The following SOX5 variants were observed in gnomAD, a reference collection of about 807,000 sequenced individuals.
SOX5 encodes the protein SRY-box transcription factor 5.
Under a neutral mutation model 92.0 loss-of-function variants are expected in SOX5, and 9 were observed. The observed-to-expected ratio is 0.10, with a 90% CI of 0.06 to 0.17. The LOEUF is 0.17. SOX5 is among the 10% of genes least tolerant of loss of function. The pLI, the probability that SOX5 is intolerant of heterozygous loss-of-function variation, is 1.00. For missense variants in SOX5, 642 were observed against 944.5 expected, an observed-to-expected ratio of 0.68 and a Z score of 4.20; for synonymous variants, 344 against 336.3, an observed-to-expected ratio of 1.02 and a Z score of -0.25.
intron 8 of SOX5, among the ~76,000 whole-genome samples, chr12:23,634,077 G>A (rs1487961159): frequency 6.6e-6 from 1 of 152,066 alleles, no homozygotes; most frequent in Non-Finnish European, 1.5e-5. Flanking sequence ...ATTTAACGCA[G>A]AAATCAATAT....
At position 23,534,471 on chromosome 12, in the gene SOX5, G is replaced by A. The variant is rs551674316; in HGVS notation, c.2040C>T (p.Ala680=). ...GGGAGGGCATCCCAGCCATGGCGAT[G>A]GCTCCAGGGTACACAACACCAGCAG... is the stretch of plus-strand genomic sequence containing the variant. ...IATAGVVYPG[A]IAMAGMPSPH... Residue 680 remains alanine (A), a synonymous_variant, in exon 15 of 15, where the codon GCC becomes GCT. Transcript: ENST00000451604. 1 of 1,613,978 alleles carries A rather than the reference G, an allele frequency of 6.2e-7. No homozygotes were observed. Among genetic ancestry groups the A allele is most frequent in the South Asian group, 1.1e-5 (1 of 91,080 alleles).
At chr12:23,640,096 A>G (rs1162104861) in intron 8 of SOX5, among the ~76,000 whole-genome samples, 1 of 152,176 alleles carries the variant, frequency 6.6e-6, no homozygotes, top group Non-Finnish European at 1.5e-5. Flanking sequence ...GATAGAAACT[A>G]AGGAATGTTT....
chr12:23,954,205 T>G (rs375378894), upstream of SOX5, among the ~76,000 whole-genome samples: 1 of 151,990 alleles, frequency 6.6e-6, no homozygotes, highest in African/African-American at 2.4e-5. Context: ...AAATTACACT[T>G]CCATATTTGA....
chr12:24,012,071 T>G (rs1191809225), intron 4 of SOX5, among the ~76,000 whole-genome samples: 1 of 152,264 alleles, frequency 6.6e-6, no homozygotes, highest in Middle Eastern at 3.4e-3. Context: ...TTTTTGTAAT[T>G]GCATACTAAT....
chr12:23,789,576 G>A lies in SOX5; in HGVS notation c.482-33852C>T, dbSNP rs1190581371. ...GAAAATATTAACCTAGATCTTGAAA[G>A]GCTAATTTCTTATTGTATTAATATA... On this transcript the variant is annotated intron_variant, in intron 3 of 14. Coordinates refer to ENST00000451604, the MANE Select transcript of SOX5 (RefSeq NM_006940.6). Among the ~76,000 whole-genome samples, 5 of 152,178 alleles carry A rather than the reference G, an allele frequency of 3.3e-5. No homozygotes were observed. In the East Asian group the frequency reaches 9.6e-4, roughly 29 times the overall value.
chr12:24,016,817 G>A (rs1371724121), intron 4 of SOX5, among the ~76,000 whole-genome samples: 2 of 152,134 alleles, frequency 1.3e-5, no homozygotes, highest in Non-Finnish European at 2.9e-5. Flanking sequence ...GTGACACCGT[G>A]CTGAAAACCA....
chr12:23,669,040 C>T (rs2084325131), intron 6 of SOX5, among the ~76,000 whole-genome samples: 1 of 39,742 alleles, frequency 2.5e-5, no homozygotes, highest in Non-Finnish European at 4.7e-5. Flanking sequence ...AATTTCATTA[C>T]ATGTCCCTAT....
chr12:24,187,960 C>A (rs1956177908), intron 4 of SOX5, among the ~76,000 whole-genome samples: 1 of 152,108 alleles, frequency 6.6e-6, no homozygotes, highest in South Asian at 2.1e-4. Context: ...TTTACTACAG[C>A]AAAAGGGATA....
At chr12:23,673,358 C>T (rs2085111167) in intron 6 of SOX5, among the ~76,000 whole-genome samples, 1 of 152,000 alleles carries the variant, frequency 6.6e-6, no homozygotes, top group Non-Finnish European at 1.5e-5. Context: ...ATTTGTATTA[C>T]TTATTGTAGT....
intron 4 of SOX5, among the ~76,000 whole-genome samples, chr12:23,991,749 GT>G (rs34581177): frequency 0.35 from 49,871 of 144,200 alleles, 8,571 homozygotes; most frequent in Middle Eastern, 0.42. Flanking sequence ...AATACAGGAG[GT>G]TTTTTTTTTT....
chr12:23,621,244 C>G (rs1380409291), intron 8 of SOX5, among the ~76,000 whole-genome samples: 1 of 151,824 alleles, frequency 6.6e-6, no homozygotes, highest in Non-Finnish European at 1.5e-5. Context: ...TTAGGATATG[C>G]AAATTCACAG....
At chr12:23,951,273 T>TAA (rs144627221), upstream of SOX5, among the ~76,000 whole-genome samples, 7 of 149,390 alleles carry the variant, frequency 4.7e-5, no homozygotes, top group South Asian at 8.5e-4. Flanking sequence ...TGAACTCACT[T>TAA]AAAAAAAAAA....
At chr12:24,397,111 C>T (rs141560177) in intron 1 of SOX5, among the ~76,000 whole-genome samples, 1 of 152,288 alleles carries the variant, frequency 6.6e-6, no homozygotes, top group African/African-American at 2.4e-5. Flanking sequence ...TAGAAACCCT[C>T]CAATCATTCT....
chr12:24,195,308 T>C (rs1417667233), intron 4 of SOX5, among the ~76,000 whole-genome samples: 1 of 152,146 alleles, frequency 6.6e-6, no homozygotes, highest in Non-Finnish European at 1.5e-5. Flanking sequence ...ATTCAGTCTA[T>C]TTTCTGTTGT....
chr12:24,297,498 C>T (rs1408193921), intron 2 of SOX5, among the ~76,000 whole-genome samples: 1 of 152,196 alleles, frequency 6.6e-6, no homozygotes, highest in East Asian at 1.9e-4. Flanking sequence ...AATTAATTAA[C>T]CAAAACAGGT....
intron 4 of SOX5, among the ~76,000 whole-genome samples, chr12:23,751,815 A>G (rs1320334518): frequency 6.6e-6 from 1 of 151,920 alleles, no homozygotes; most frequent in Non-Finnish European, 1.5e-5. Flanking sequence ...GTTGAATTAC[A>G]TCAAATGCCC....
rs138016060 is a variant in SOX5, at chr12:24,390,289, T to C, written c.-250-21650A>G. 3.6e-3 allele frequency among the ~76,000 whole-genome samples: 542 copies of C among 152,320 alleles called. 3 individuals carry two copies. The highest frequency in any genetic ancestry group is 0.012 in the African/African-American group (515 of 41,588). ...CTCATTGGTTATGAACACTATCTTC[T>C]ATTAATGACGTTAAAGGTGACAACA... On this transcript the variant is annotated intron_variant, in intron 1 of 4. Coordinates refer to the SOX5 transcript ENST00000446891.
chr12:23,785,027 A>C (rs764181347), intron 3 of SOX5, among the ~76,000 whole-genome samples: 1 of 152,204 alleles, frequency 6.6e-6, no homozygotes, highest in Non-Finnish European at 1.5e-5. Context: ...GGCTACAGGG[A>C]GCCATGATTG....
upstream of SOX5, among the ~76,000 whole-genome samples, chr12:23,951,900 C>T (rs1047102658): frequency 6.6e-6 from 1 of 152,206 alleles, no homozygotes; most frequent in Middle Eastern, 3.4e-3. Context: ...ACAACCTACT[C>T]CCACACAGAA....
Sources: gnomAD v4.1 joint callset for allele counts (sites outside exome capture counted in the v4.1 genomes callset) on GRCh38, gnomAD v4.1.1 for gene constraint, MANE v1.5 for transcripts, NCBI Gene and HGNC (gene_info 2026-07-23, HGNC 2026-07-21) for gene names.